Variants in TMEM217B observed in about 807,000 individuals in gnomAD.
TMEM217B encodes the protein putative transmembrane protein 217B.
chr6:37,249,306 T>C, the TMEM217B span, among the ~76,000 whole-genome samples: 1 of 150,216 alleles, frequency 6.7e-6, no homozygotes, highest in Non-Finnish European at 1.5e-5. Context: ...CTTTTCATTC[T>C]TCTTCTTCTT....
the TMEM217B span, among the ~76,000 whole-genome samples, chr6:37,242,937 G>T: frequency 1.3e-5 from 2 of 151,972 alleles, no homozygotes; most frequent in Non-Finnish European, 2.9e-5. Context: ...AAAACCCCTA[G>T]CAGTCTTCTT....
the TMEM217B span, among the ~76,000 whole-genome samples, chr6:37,251,076 G>C: frequency 6.6e-6 from 1 of 152,238 alleles, no homozygotes; most frequent in African/African-American, 2.4e-5. Context: ...CCAGGAAATG[G>C]GCCCTCACCA....
At chr6:37,244,980 C>T in the TMEM217B span, among the ~76,000 whole-genome samples, 12 of 152,174 alleles carry the variant, frequency 7.9e-5, no homozygotes, top group African/African-American at 2.4e-4. Context: ...ATCCAGCAGG[C>T]TAGCCTAGAC....
the TMEM217B span, among the ~76,000 whole-genome samples, chr6:37,213,849 T>C: frequency 1.3e-5 from 2 of 152,136 alleles, no homozygotes; most frequent in Non-Finnish European, 2.9e-5. Context: ...AGCAAACCTC[T>C]CTCCTCATCA....
the TMEM217B span, chr6:37,213,097 G>T: frequency 1.2e-6 from 1 of 805,186 alleles, no homozygotes; most frequent in Non-Finnish European, 2.0e-6. Context: ...TAAGAGCAAT[G>T]ATGGTGTGTG....
chr6:37,255,311 G>C, the TMEM217B span, among the ~76,000 whole-genome samples: 1 of 152,138 alleles, frequency 6.6e-6, no homozygotes, highest in South Asian at 2.1e-4. Context: ...AAGGAGCTTG[G>C]ATTTTATGCC....
At chr6:37,223,541 C>T in the TMEM217B span, among the ~76,000 whole-genome samples, 1 of 152,226 alleles carries the variant, frequency 6.6e-6, no homozygotes, top group Admixed American at 6.5e-5. Context: ...CAGTATCTTG[C>T]TCTGTCGCCC....
At chr6:37,215,190 A>G in the TMEM217B span, 7 of 1,613,154 alleles carry the variant, frequency 4.3e-6, no homozygotes, top group Non-Finnish European at 5.9e-6. Flanking sequence ...TATTCATTCA[A>G]TACTCACTCA....
the TMEM217B span, among the ~76,000 whole-genome samples, chr6:37,229,335 G>GTTTTTTTTTTTTTTTTTT: frequency 4.0e-5 from 3 of 74,368 alleles, no homozygotes; most frequent in African/African-American, 1.1e-4. Context: ...GCAACTTTCA[G>GTTTTTTTTTTTTTTTTTT]TTTTTTTTTT....
the TMEM217B span, among the ~76,000 whole-genome samples, chr6:37,219,732 C>CAA: frequency 2.7e-5 from 4 of 145,540 alleles, no homozygotes; most frequent in African/African-American, 7.5e-5. Flanking sequence ...ACCCTATATC[C>CAA]AAAAAAAAAA....
chr6:37,252,976 TAAAGA>T, the TMEM217B span, among the ~76,000 whole-genome samples: 1 of 152,216 alleles, frequency 6.6e-6, no homozygotes, highest in African/African-American at 2.4e-5. Flanking sequence ...ACGGTAACAT[TAAAGA>T]AAAGTTCCAG....
chr6:37,213,117 T>C, the TMEM217B span: 1 of 705,772 alleles, frequency 1.4e-6, no homozygotes, highest in Non-Finnish European at 2.4e-6. Context: ...GGACAGGCAA[T>C]AGGCTGGAAG....
At chr6:37,251,630 C>T in the TMEM217B span, among the ~76,000 whole-genome samples, 3 of 152,156 alleles carry the variant, frequency 2.0e-5, no homozygotes, top group Non-Finnish European at 4.4e-5. Context: ...TTTATGGATA[C>T]ACACATATGT....
the TMEM217B span, chr6:37,212,473 A>G: frequency 4.4e-6 from 2 of 454,008 alleles, no homozygotes; most frequent in African/African-American, 4.0e-5. Context: ...GTTCACTGCA[A>G]TGGTGGAGCA....
the TMEM217B span, chr6:37,212,359 G>A: frequency 5.4e-6 from 2 of 367,392 alleles, no homozygotes; most frequent in Non-Finnish European, 1.1e-5. Context: ...GGGTAGGGAG[G>A]GTTCCATTGT....
At chr6:37,234,544 G>A in the TMEM217B span, among the ~76,000 whole-genome samples, 5 of 152,126 alleles carry the variant, frequency 3.3e-5, no homozygotes, top group Non-Finnish European at 5.9e-5. Flanking sequence ...GAGTTTGGGA[G>A]GAATGGCAGT....
chr6:37,250,138 C>T, the TMEM217B span, among the ~76,000 whole-genome samples: 1 of 152,078 alleles, frequency 6.6e-6, no homozygotes, highest in Admixed American at 6.5e-5. Context: ...CTAAAAGAAG[C>T]AGGCAACAGA....
the TMEM217B span, among the ~76,000 whole-genome samples, chr6:37,232,151 A>G: frequency 6.6e-6 from 1 of 152,190 alleles, no homozygotes; most frequent in East Asian, 1.9e-4. Context: ...CTGGGCTAAT[A>G]GATTTGATTA....
chr6:37,215,129 T>TA, the TMEM217B span: 3 of 1,594,108 alleles, frequency 1.9e-6, no homozygotes, highest in Non-Finnish European at 2.6e-6. Flanking sequence ...GTCACTATAA[T>TA]AATGGCCTAA....
Sources: gnomAD v4.1 joint callset for allele counts (sites outside exome capture counted in the v4.1 genomes callset) on GRCh38, gnomAD v4.1.1 for gene constraint, MANE v1.5 for transcripts, NCBI Gene and HGNC (gene_info 2026-07-23, HGNC 2026-07-21) for gene names.